Variants in AGBL4 observed in about 807,000 individuals in gnomAD.
The protein encoded by AGBL4 is AGBL carboxypeptidase 4, also known as cytosolic carboxypeptidase 6.
Under a neutral mutation model 66.4 loss-of-function variants are expected in AGBL4, and 58 were observed. That is an observed-to-expected ratio of 0.87 (90% CI 0.71 to 1.09). The LOEUF (loss-of-function observed/expected upper bound fraction) is 1.09. AGBL4 is among the 50% of genes least tolerant of loss of function. The pLI is 0.00. For synonymous variants in AGBL4, 234 were observed against 222.9 expected (o/e 1.05, Z -0.44); for missense variants, 579 against 631.0 (o/e 0.92, Z 0.88).
intron 1 of AGBL4, among the ~76,000 whole-genome samples, chr1:49,948,154 A>G (rs1174450682): frequency 1.9e-5 from 2 of 103,744 alleles, no homozygotes; most frequent in Non-Finnish European, 3.4e-5. Flanking sequence ...ATATATAAAT[A>G]TACGTAAATA....
chr1:49,948,201 TATAA>T lies in AGBL4; in HGVS notation c.34+75558_34+75561del, dbSNP rs1317014516. ...ATAACTATATATAAATATATATAAA[TATAA>T]ATATATAAATATATATAAATATATA... On this transcript the variant is annotated intron_variant, in intron 1 of 13. Coordinates refer to ENST00000371839, the MANE Select transcript of AGBL4 (RefSeq NM_032785.4). Among the ~76,000 whole-genome samples the T allele has an allele frequency of 7.6e-5, 7 of 92,310 alleles. No individual in the cohort carries two copies. In the East Asian group the frequency reaches 2.2e-3, roughly 29 times the overall value. 60.6% of individuals were successfully genotyped at this position (92,310 alleles called of 152,430 possible).
chr1:49,021,424 G>A (rs1366369886), intron 5 of AGBL4, among the ~76,000 whole-genome samples: 3 of 152,120 alleles, frequency 2.0e-5, no homozygotes, highest in African/African-American at 7.2e-5. Flanking sequence ...GTTATTTGGA[G>A]GTAGAGTCTT....
At chr1:48,822,087 C>T (rs1173491142) in intron 6 of AGBL4, among the ~76,000 whole-genome samples, 1 of 152,078 alleles carries the variant, frequency 6.6e-6, no homozygotes, top group African/African-American at 2.4e-5. Context: ...AGGTATGGAG[C>T]AATTGGACAA....
At position 49,102,134 on chromosome 1, in the gene AGBL4, T is replaced by C. The variant is rs572910263; in HGVS notation, c.378-56334A>G. 1.1e-4 allele frequency among the ~76,000 whole-genome samples: 17 copies of C among 152,200 alleles called. No homozygotes were observed. In the South Asian group the frequency reaches 2.7e-3, roughly 24 times the overall value. ...CAAACACAGAGCTTGGACACCTCAT[T>C]GGTCTCCTATCTGAGGAACAACCCA... On this transcript the variant is annotated intron_variant, in intron 4 of 13. Coordinates refer to ENST00000371839, the MANE Select transcript of AGBL4 (RefSeq NM_032785.4).
intron 6 of AGBL4, among the ~76,000 whole-genome samples, chr1:48,696,210 G>T (rs947585441): frequency 3.9e-5 from 6 of 152,150 alleles, no homozygotes; most frequent in Non-Finnish European, 8.8e-5. Flanking sequence ...GTCTGTGGGG[G>T]ATGCACACAC....
rs115932220 is a variant in AGBL4 at position 48,904,047 on chromosome 1, C to T, written c.595-36817G>A. On this transcript the variant is annotated intron_variant, in intron 5 of 13. Transcript: ENST00000371839. The stretch of plus-strand genomic sequence containing the variant: ...CAATCCCAGCACTTTGGGAGGCTAA[C>T]GTGGGTGGATCACCTGAGGTTAGGA... 1.7e-3 allele frequency among the ~76,000 whole-genome samples: 263 copies of T among 152,172 alleles called. 1 individual carries two copies. The highest frequency in any genetic ancestry group is 6.0e-3 in the African/African-American group (248 of 41,514).
chr1:49,628,066 T>C (rs559634551), intron 3 of AGBL4, among the ~76,000 whole-genome samples: 19 of 152,184 alleles, frequency 1.2e-4, no homozygotes, highest in African/African-American at 4.1e-4. Context: ...CATGGTCACT[T>C]GATACCTGTT....
chr1:48,591,959 A>G (rs1644924984), intron 9 of AGBL4, among the ~76,000 whole-genome samples: 1 of 152,242 alleles, frequency 6.6e-6, no homozygotes, highest in African/African-American at 2.4e-5. Flanking sequence ...AAACAATCCC[A>G]GAGAGATTGC....
At chr1:49,171,391 T>C (rs1646735647) in intron 4 of AGBL4, among the ~76,000 whole-genome samples, 1 of 152,198 alleles carries the variant, frequency 6.6e-6, no homozygotes, top group Non-Finnish European at 1.5e-5. Flanking sequence ...GTACAAGGCT[T>C]GATCACAGCC....
chr1:49,758,934 A>C (rs1652102338), intron 2 of AGBL4, among the ~76,000 whole-genome samples: 1 of 152,110 alleles, frequency 6.6e-6, no homozygotes, highest in African/African-American at 2.4e-5. Flanking sequence ...TGGAATTGTA[A>C]TCTGAACTGT....
At chr1:49,623,040 G>A (rs1321422322) in intron 3 of AGBL4, among the ~76,000 whole-genome samples, 1 of 152,052 alleles carries the variant, frequency 6.6e-6, no homozygotes, top group African/African-American at 2.4e-5. Context: ...TCTCAAATTA[G>A]ATTATATTAC....
chr1:48,532,554 T>A (rs1643912103), downstream of AGBL4, among the ~76,000 whole-genome samples: 1 of 152,238 alleles, frequency 6.6e-6, no homozygotes, highest in East Asian at 1.9e-4. Flanking sequence ...GGATCTAGAC[T>A]ATTGCCTCTC....
intron 4 of AGBL4, among the ~76,000 whole-genome samples, chr1:49,245,370 A>G (rs1402836070): frequency 6.6e-6 from 1 of 151,488 alleles, no homozygotes; most frequent in Non-Finnish European, 1.5e-5. Flanking sequence ...GTTACTAAAC[A>G]TAATCTATGC....
Position 48,778,011 on chromosome 1 carries a change from GGTCA to G in AGBL4, c.634+89176_634+89179del, listed in dbSNP as rs560699355. On this transcript the variant is annotated intron_variant, in intron 6 of 13. Transcript: ENST00000371839. ...AGGAACCCTATCCCACATCAGAGGAGGTCAGTACCTTCACAGGGATGCCTCGTAT... is the reference window on the plus strand; with the variant it reads ...AGGAACCCTATCCCACATCAGAGGAGGTACCTTCACAGGGATGCCTCGTAT... 2.8e-4 allele frequency among the ~76,000 whole-genome samples: 42 copies of G among 152,282 alleles called. 2 individuals are homozygous for G. The South Asian group carries it at 8.7e-3, about 32-fold the overall frequency.
intron 4 of AGBL4, among the ~76,000 whole-genome samples, chr1:49,174,643 A>T (rs1236902052): frequency 6.6e-6 from 1 of 152,038 alleles, no homozygotes; most frequent in East Asian, 1.9e-4. Flanking sequence ...ATAGGAGAAT[A>T]CTCTGTTTCT....
chr1:48,552,688 A>C (rs546555554), intron 11 of AGBL4, among the ~76,000 whole-genome samples: 30 of 152,272 alleles, frequency 2.0e-4, no homozygotes, highest in Middle Eastern at 3.4e-3. Context: ...TGGGGCAAAC[A>C]CACCTGGGGG....
In AGBL4 at chr1:49,522,419, C is replaced by T. The variant is rs1650338177; in HGVS notation, c.282+174894G>A. Among the ~76,000 whole-genome samples the T allele has an allele frequency of 2.0e-5, 3 of 152,146 alleles. 1 individual carries two copies. The highest frequency in any genetic ancestry group is 4.1e-4 in the South Asian group (2 of 4,824). On this transcript the variant is annotated intron_variant, in intron 3 of 13. Transcript: ENST00000371839. ...GACCATACGCAACATGCCTTCTCAT[C>T]GTAATTTTTTCCACACACATTTTTC...
rs536492064 is a variant in AGBL4, at chr1:48,603,234, A to G, written c.952-12249T>C. ...TGCCTGTAATCCCAGCTCTTTGGGA[A>G]GCTGAGGCAGGTGGATCATGAGGTC... On this transcript the variant is annotated intron_variant, in intron 9 of 13. Transcript: ENST00000371839. Among the ~76,000 whole-genome samples the G allele has an allele frequency of 5.1e-4, 78 of 151,930 alleles. 1 individual carries two copies. The East Asian group carries it at 0.014, about 27-fold the overall frequency.
intron 5 of AGBL4, among the ~76,000 whole-genome samples, chr1:48,926,619 CCT>C (rs1169403500): frequency 6.6e-6 from 1 of 151,852 alleles, no homozygotes; most frequent in Non-Finnish European, 1.5e-5. Context: ...ATTGGGTAGC[CCT>C]CTGTTTTAGG....
Sources: allele counts gnomAD v4.1 joint callset (sites outside exome capture counted in the v4.1 genomes callset), GRCh38; gene constraint gnomAD v4.1.1; transcripts MANE v1.5; gene names NCBI Gene and HGNC (gene_info 2026-07-23, HGNC 2026-07-21).